GRPR: variants seen among roughly 807,000 people sequenced by gnomAD.
The protein encoded by GRPR is gastrin releasing peptide receptor.
A neutral mutation model predicts 15.6 loss-of-function variants in GRPR; 4 were observed. The observed-to-expected ratio is 0.26, with a 90% CI of 0.13 to 0.59. The LOEUF is 0.59. Ranked by LOEUF, GRPR falls within the 20% of genes least tolerant of loss-of-function variation. GRPR has a pLI of 0.90. For synonymous variants in GRPR, 128 were observed against 126.8 expected, an observed-to-expected ratio of 1.01 and a Z score of -0.06; for missense variants, 270 against 304.1, an observed-to-expected ratio of 0.89 and a Z score of 0.83.
chrX:16,129,248 T>C (rs1185135800), intron 1 of GRPR, among the ~76,000 whole-genome samples: 1 of 112,848 alleles, frequency 8.9e-6, no homozygotes, highest in Non-Finnish European at 1.9e-5. Context: ...CTGCAAGGAA[T>C]GTATGTGATA....
intron 1 of GRPR, among the ~76,000 whole-genome samples, chrX:16,133,603 CT>C (rs772069178): frequency 1.3e-4 from 15 of 111,150 alleles, no homozygotes; most frequent in Non-Finnish European, 2.3e-4. Flanking sequence ...CTGAAAGTGT[CT>C]TTGTTTCATG....
intron 1 of GRPR, among the ~76,000 whole-genome samples, chrX:16,149,603 G>T (rs1426864868): frequency 1.0e-5 from 1 of 96,172 alleles, no homozygotes. Flanking sequence ...ACGACTTAAG[G>T]TTCCCTGAAG....
chrX:16,144,333 A>C (rs373189500), intron 1 of GRPR, among the ~76,000 whole-genome samples: 48 of 112,223 alleles, frequency 4.3e-4, no homozygotes, highest in African/African-American at 1.3e-3. Context: ...CTCATCAGGT[A>C]GAATTCTAAT....
chrX:16,124,224 A>G lies in GRPR; in HGVS notation c.271A>G (p.Ile91Val). Residue 91 changes from isoleucine (I) to valine (V), a missense_variant, in exon 1 of 3, where the codon ATA (isoleucine) becomes GTA (valine). Ile to Val is a conservative substitution (Grantham distance 29). This residue lies in a region of GRPR where 115 missense variants were observed against 128.8 expected (regional missense o/e 0.89). Coordinates refer to ENST00000380289, the MANE Select transcript of GRPR (RefSeq NM_005314.3). ...SLALGDLLLL[I>V]TCAPVDASRY... ...GGCTTTGGGAGACCTGCTCCTCCTA[A>G]TAACGTGTGCTCCAGTGGATGCCAG... The G allele has an allele frequency of 8.3e-7, 1 of 1,211,072 alleles. No homozygotes were observed. The highest frequency in any genetic ancestry group is 1.1e-6 in the Non-Finnish European group (1 of 894,858).
chrX:16,149,625 A>G (rs1194480934), intron 1 of GRPR, among the ~76,000 whole-genome samples: 2 of 97,546 alleles, frequency 2.1e-5, no homozygotes, highest in Admixed American at 1.1e-4. Flanking sequence ...GGATCTGAAT[A>G]CGCAAAATGA....
intron 1 of GRPR, among the ~76,000 whole-genome samples, chrX:16,143,524 G>A (rs1922559920): frequency 1.8e-5 from 2 of 112,392 alleles, no homozygotes; most frequent in Non-Finnish European, 3.8e-5. Flanking sequence ...GCCACCCAAA[G>A]TTCTAGAACC....
intron 1 of GRPR, 69 bp from the exon 2 acceptor site, chrX:16,150,236 A>G (rs1922674854): frequency 1.3e-6 from 1 of 788,398 alleles, no homozygotes; most frequent in Non-Finnish European, 2.0e-6. Flanking sequence ...GCTTGCCTCA[A>G]CTTAGTCCTG....
chrX:16,147,204 T>C (rs1055245060), intron 1 of GRPR, among the ~76,000 whole-genome samples: 2 of 112,043 alleles, frequency 1.8e-5, no homozygotes, highest in Non-Finnish European at 3.8e-5. Context: ...ATTTCACTGG[T>C]AAATACTTTA....
At chrX:16,146,329 T>C (rs1922605752) in intron 1 of GRPR, among the ~76,000 whole-genome samples, 1 of 111,731 alleles carries the variant, frequency 9.0e-6, no homozygotes, top group South Asian at 3.8e-4. Context: ...ACATCTCTTG[T>C]ACATTCAAAA....
At chrX:16,147,219 G>A (rs1358475466) in intron 1 of GRPR, among the ~76,000 whole-genome samples, 1 of 111,401 alleles carries the variant, frequency 9.0e-6, no homozygotes, top group African/African-American at 3.3e-5. Context: ...ACTTTAGCTT[G>A]TGTCTTTTAT....
intron 1 of GRPR, among the ~76,000 whole-genome samples, chrX:16,140,647 T>G (rs1456317928): frequency 8.9e-6 from 1 of 111,882 alleles, no homozygotes; most frequent in Non-Finnish European, 1.9e-5. Flanking sequence ...ACCTCATCCT[T>G]TGGTGGCACA....
intron 1 of GRPR, among the ~76,000 whole-genome samples, chrX:16,142,521 T>C (rs746181127): frequency 3.6e-5 from 4 of 111,834 alleles, no homozygotes; most frequent in Non-Finnish European, 7.5e-5. Context: ...ACAAAGATAG[T>C]CTTCTACACA....
At position 16,153,359 on chromosome X, in the gene GRPR, G is replaced by A. The variant is rs1312298065; in HGVS notation, c.*714G>A. 8.9e-6 allele frequency: 1 copy of A among 111,790 alleles called. No homozygotes were observed. The highest frequency in any genetic ancestry group is 9.5e-5 in the Admixed American group (1 of 10,559). The allele number at this position is 111,790 out of a possible 1,213,427, so 9.2% of individuals were successfully genotyped here. On this transcript the variant is annotated 3_prime_UTR_variant, in exon 3 of 3. Transcript: ENST00000380289. ...GACACGTATATAAAGATCCACGCGT[G>A]GCTGTGCGTGATATCTCACACTCTG...
At chrX:16,147,783 G>A (rs1049031367) in intron 1 of GRPR, among the ~76,000 whole-genome samples, 12 of 112,005 alleles carry the variant, frequency 1.1e-4, no homozygotes, top group Non-Finnish European at 2.3e-4. Flanking sequence ...TCTGGTTTCT[G>A]ACTGAGTGAA....
At chrX:16,136,927 C>T (rs766639639) in intron 1 of GRPR, among the ~76,000 whole-genome samples, 4 of 111,412 alleles carry the variant, frequency 3.6e-5, no homozygotes, top group Admixed American at 9.5e-5. Flanking sequence ...TCTTAGCTCA[C>T]GGGCCATATA....
intron 1 of GRPR, among the ~76,000 whole-genome samples, chrX:16,126,658 C>T (rs1324800752): frequency 8.9e-6 from 1 of 112,035 alleles, no homozygotes; most frequent in Non-Finnish European, 1.9e-5. Flanking sequence ...GTTATTTTTG[C>T]CAGTTCTTTA....
chrX:16,137,360 A>G (rs1922464756), intron 1 of GRPR, among the ~76,000 whole-genome samples: 1 of 112,024 alleles, frequency 8.9e-6, no homozygotes, highest in Non-Finnish European at 1.9e-5. Context: ...GTTTAAATGA[A>G]ACAAGTAAGA....
intron 1 of GRPR, among the ~76,000 whole-genome samples, chrX:16,130,477 A>G (rs1473400526): frequency 8.9e-6 from 1 of 112,624 alleles, no homozygotes; most frequent in East Asian, 2.8e-4. Context: ...GGGGAACTGG[A>G]AACTTTTCTT....
intron 1 of GRPR, among the ~76,000 whole-genome samples, chrX:16,147,304 A>G (rs962237974): frequency 8.9e-6 from 1 of 111,972 alleles, no homozygotes; most frequent in Non-Finnish European, 1.9e-5. Context: ...ATTCCTTGAT[A>G]TCACCAATAG....
Sources: allele counts gnomAD v4.1 joint callset (sites outside exome capture counted in the v4.1 genomes callset), GRCh38; gene constraint gnomAD v4.1.1; regional missense constraint gnomAD v4.1.1; transcripts MANE v1.5; gene names NCBI Gene and HGNC (gene_info 2026-07-23, HGNC 2026-07-21).